GDAP1L1: variants seen among roughly 807,000 people sequenced by gnomAD.
The protein encoded by GDAP1L1 is ganglioside induced differentiation associated protein 1 like 1, also known as ganglioside-induced differentiation-associated protein 1-like 1.
A neutral mutation model predicts 37.1 loss-of-function variants in GDAP1L1; 21 were observed. That is an observed-to-expected ratio of 0.57 (90% confidence interval 0.40 to 0.81). The LOEUF is 0.81. Among genes scored for constraint, GDAP1L1 ranks in the 40% least tolerant of loss-of-function variants. GDAP1L1 has a pLI of 0.00. For synonymous variants in GDAP1L1, 193 were observed against 209.1 expected, an observed-to-expected ratio of 0.92 and a Z score of 0.67; for missense variants, 362 against 491.6, an observed-to-expected ratio of 0.74 and a Z score of 2.49.
At position 44,270,506 on chromosome 20, in the gene GDAP1L1, T is replaced by C. The variant is rs190912784; in HGVS notation, c.760+5947T>C. 1.2e-3 allele frequency among the ~76,000 whole-genome samples: 185 copies of C among 152,294 alleles called. 1 individual carries two copies. Among genetic ancestry groups the C allele is most frequent in the African/African-American group, 4.3e-3 (179 of 41,576 alleles). On this transcript the variant is annotated intron_variant, in intron 5 of 5. Coordinates refer to ENST00000342560, the MANE Select transcript of GDAP1L1 (RefSeq NM_024034.6). ...TTAAAATCATTTATTATGTCACACA[T>C]TTTCTGTGGATCTGGAGTTCTGGAG...
Position 44,247,356 on chromosome 20 carries a change from A to AC in GDAP1L1, c.27dup (p.Thr10HisfsTer101). 1 of 1,612,830 alleles carries AC rather than the reference A, an allele frequency of 6.2e-7. No homozygotes were observed. The highest frequency in any genetic ancestry group is 8.5e-7 in the Non-Finnish European group (1 of 1,179,696). On this transcript the variant is annotated frameshift_variant, in exon 1 of 6. Transcript: ENST00000342560. LOFTEE classifies it high-confidence loss of function. ...TGTCATGGCGACCCCCAACAATCTG[A>AC]CCCCCACCAACTGCAGCTGGTGGCC...
chr20:44,257,039 G>C lies in GDAP1L1; in HGVS notation c.181-114G>C, dbSNP rs74848192. 2.3e-3 allele frequency: 2,481 copies of C among 1,099,418 alleles called. 94 individuals are homozygous for C. In the East Asian group the frequency reaches 0.055, roughly 24 times the overall value. 68.1% of individuals were successfully genotyped at this position (1,099,418 alleles called of 1,614,324 possible). On this transcript the variant is annotated intron_variant, in intron 1 of 5. Coordinates refer to ENST00000342560, the MANE Select transcript of GDAP1L1 (RefSeq NM_024034.6). ...GCCCAAGAATGGGCTGAAAGCAATC[G>C]TGTCCCCTCCTGTGTGTGACCTCTG...
At position 44,257,245 on chromosome 20, in the gene GDAP1L1, G is replaced by A. The variant is rs1371373491; in HGVS notation, c.273G>A (p.Arg91=). The change falls in exon 2 of 6, where the codon CGG becomes CGA. Residue 91 remains arginine, a synonymous_variant. Coordinates refer to ENST00000342560, the MANE Select transcript of GDAP1L1 (RefSeq NM_024034.6). ...AGCACAAGGAGCCCTGGTTCATGCG[G>A]CTCAACCTGGGCGAGGAGGTGCCCG... is the stretch of plus-strand genomic sequence containing the variant. ...QSEHKEPWFM[R]LNLGEEVPVI... 4 of 1,613,326 alleles carry A rather than the reference G, an allele frequency of 2.5e-6. No individual in the cohort carries two copies. The highest frequency in any genetic ancestry group is 3.4e-6 in the Non-Finnish European group (4 of 1,179,750).
At chr20:44,257,477 C>A in intron 2 of GDAP1L1, 132 bp downstream of exon 2, 1 of 950,344 alleles carries the variant, frequency 1.1e-6, no homozygotes, top group Non-Finnish European at 1.5e-6. Flanking sequence ...GGCCCAGTCT[C>A]CCCAAAAAGG....
chr20:44,252,179 C>A (rs112601985), intron 1 of GDAP1L1, among the ~76,000 whole-genome samples: 1 of 152,238 alleles, frequency 6.6e-6, no homozygotes, highest in South Asian at 2.1e-4. Context: ...TGAATTAATT[C>A]ATGGACCCCT....
intron 5 of GDAP1L1, chr20:44,265,252 T>C: frequency 1.0e-6 from 1 of 985,396 alleles, no homozygotes; most frequent in Non-Finnish European, 1.2e-6. Flanking sequence ...GCCAGCTTCA[T>C]TCTACCTCCA....
intron 5 of GDAP1L1, among the ~76,000 whole-genome samples, chr20:44,272,477 A>G (rs1040590108): frequency 2.0e-5 from 3 of 152,208 alleles, no homozygotes; most frequent in African/African-American, 7.2e-5. Context: ...GAAGCACTCA[A>G]GAAATATAAT....
intron 1 of GDAP1L1, among the ~76,000 whole-genome samples, chr20:44,255,810 A>G: frequency 6.6e-6 from 1 of 152,116 alleles, no homozygotes; most frequent in Non-Finnish European, 1.5e-5. Flanking sequence ...GGAGGGAAGC[A>G]TAAGAATGGG....
rs946360829 is a variant in GDAP1L1 at position 44,270,465 on chromosome 20, C to T, written c.760+5906C>T. Among the ~76,000 whole-genome samples the T allele has an allele frequency of 1.4e-4, 21 of 152,322 alleles. No homozygotes were observed. The South Asian group carries it at 2.3e-3, about 17-fold the overall frequency. On this transcript the variant is annotated intron_variant, in intron 5 of 5. Coordinates refer to ENST00000342560, the MANE Select transcript of GDAP1L1 (RefSeq NM_024034.6). ...GATTACAGGCGTGAGCCACCGCGCC[C>T]GGCCTGTCTTAAATTTTAAAATCAT...
At chr20:44,276,854 C>T (rs568924193) in intron 5 of GDAP1L1, among the ~76,000 whole-genome samples, 2 of 152,246 alleles carry the variant, frequency 1.3e-5, no homozygotes, top group East Asian at 3.9e-4. Context: ...CAATGTGGCG[C>T]TGTGTTCTAT....
chr20:44,254,901 T>C (rs1244801839), intron 1 of GDAP1L1, among the ~76,000 whole-genome samples: 3 of 152,180 alleles, frequency 2.0e-5, no homozygotes, highest in Non-Finnish European at 4.4e-5. Flanking sequence ...GGTGTGTGTG[T>C]GTAATAAGTG....
chr20:44,265,280 C>T, intron 5 of GDAP1L1: 1 of 985,318 alleles, frequency 1.0e-6, no homozygotes, highest in Non-Finnish European at 1.2e-6. Context: ...GCTCCCACAG[C>T]CCCTCCCTCC....
intron 3 of GDAP1L1, 98 bp from the exon 4 acceptor site, chr20:44,263,132 C>A: frequency 2.3e-6 from 2 of 874,556 alleles, no homozygotes; most frequent in Admixed American, 1.7e-5. Flanking sequence ...CTCTTCTGAC[C>A]AGTGTTTGGA....
intron 1 of GDAP1L1, among the ~76,000 whole-genome samples, chr20:44,249,342 T>A (rs574744425): frequency 6.6e-6 from 1 of 152,156 alleles, no homozygotes; most frequent in Admixed American, 6.5e-5. Flanking sequence ...GCGGCCGTTA[T>A]GATGTTATTA....
Position 44,279,321 on chromosome 20 carries a change from G to A in GDAP1L1, c.*21G>A, listed in dbSNP as rs780041338. The A allele has an allele frequency of 6.8e-6, 10 of 1,475,612 alleles. 2 individuals carry two copies. The South Asian group carries it at 1.2e-4, about 18-fold the overall frequency. 91.4% of individuals were successfully genotyped at this position (1,475,612 alleles called of 1,614,324 possible). A position where few individuals can be genotyped will look rare whatever the true frequency, so the allele number is the denominator to read the frequency against. On this transcript the variant is annotated 3_prime_UTR_variant, in exon 6 of 6. Transcript: ENST00000342560. ...TCTAGGGCCAGGCCTGGGGCTTGGT[G>A]TCTGACTGTCGGTGTCTCTGTGCTG...
rs1568653917 is a variant in GDAP1L1, at chr20:44,264,792, G to T, written c.760+233G>T. 4 of 1,158,456 alleles carry T rather than the reference G, an allele frequency of 3.5e-6. No individual in the cohort carries two copies. In the East Asian group the frequency reaches 1.8e-4, roughly 51 times the overall value. The allele number at this position is 1,158,456 out of a possible 1,614,324, so 71.8% of individuals were successfully genotyped here. ...TTCAGTTTCCCATCTATAAAATGGGGATAATAGTAGGACCTGCCTCAAAGA... is the reference window on the plus strand; with the variant it reads ...TTCAGTTTCCCATCTATAAAATGGGTATAATAGTAGGACCTGCCTCAAAGA... On this transcript the variant is annotated intron_variant, in intron 5 of 5. Coordinates refer to ENST00000342560, the MANE Select transcript of GDAP1L1 (RefSeq NM_024034.6).
chr20:44,257,491 C>A, intron 2 of GDAP1L1, 146 bp downstream of exon 2: 1 of 814,622 alleles, frequency 1.2e-6, no homozygotes, highest in Non-Finnish European at 1.9e-6. Context: ...AAAAAGGAGC[C>A]ACAGAGCCAC....
At chr20:44,258,640 CT>C (rs756969160) in intron 3 of GDAP1L1, 33 bp downstream of exon 3, 27 of 1,503,376 alleles carry the variant, frequency 1.8e-5, no homozygotes, top group Non-Finnish European at 2.3e-5. Context: ...AGCCCCTCTG[CT>C]TTCCCCCTTT....
chr20:44,270,164 ATT>A (rs397756226), intron 5 of GDAP1L1, among the ~76,000 whole-genome samples: 112 of 100,574 alleles, frequency 1.1e-3, no homozygotes, highest in South Asian at 6.9e-3. Context: ...AGTGTCTTAA[ATT>A]TTTTTTTTTT....
Sources: allele counts gnomAD v4.1 joint callset (sites outside exome capture counted in the v4.1 genomes callset), GRCh38; gene constraint gnomAD v4.1.1; transcripts MANE v1.5; gene names NCBI Gene and HGNC (gene_info 2026-07-23, HGNC 2026-07-21).